Variants in MEI4 observed in about 807,000 individuals in gnomAD.
The protein encoded by MEI4 is meiosis-specific protein MEI4.
MEI4 carries 27 observed loss-of-function variants against 31.4 expected under a neutral mutation model. The observed-to-expected ratio is 0.86, with a 90% CI of 0.63 to 1.19. MEI4 has a LOEUF of 1.19. MEI4 is among the 50% of genes most tolerant of loss of function. MEI4 has a pLI of 0.00. For missense variants in MEI4, 329 were observed against 398.9 expected (o/e 0.82, Z 1.49); for synonymous variants, 122 against 145.4 (o/e 0.84, Z 1.16).
chr6:77,813,141 C>T (rs1015054014), intron 3 of MEI4, among the ~76,000 whole-genome samples: 1 of 151,978 alleles, frequency 6.6e-6, no homozygotes, highest in Non-Finnish European at 1.5e-5. Context: ...GGTGCCTGAT[C>T]CCAGTATTTT....
Position 77,915,328 on chromosome 6 carries a change from G to A in MEI4, c.901-7761G>A, listed in dbSNP as rs1373619458. On this transcript the variant is annotated intron_variant, in intron 4 of 4. Transcript: ENST00000684080. ...GCATTTCTTGTAGGGCCAGTCTAAT[G>A]GTGATGAGTCTCATGAGATTTTGCT... Among the ~76,000 whole-genome samples, 3 of 152,014 alleles carry A rather than the reference G, an allele frequency of 2.0e-5. No homozygotes were observed. The East Asian group carries it at 5.8e-4, about 29-fold the overall frequency.
intron 2 of MEI4, among the ~76,000 whole-genome samples, chr6:77,748,605 C>T (rs891307109): frequency 2.6e-5 from 4 of 152,204 alleles, no homozygotes; most frequent in South Asian, 2.1e-4. Context: ...CTCTGACATC[C>T]GTGGAGACAT....
chr6:77,827,270 A>AGAAT (rs1769977054), intron 3 of MEI4, among the ~76,000 whole-genome samples: 1 of 144,914 alleles, frequency 6.9e-6, no homozygotes, highest in Admixed American at 7.1e-5. Flanking sequence ...CTGAGGCAGG[A>AGAAT]GAATGGTGTG....
chr6:77,742,489 T>C (rs1260461083), intron 2 of MEI4, among the ~76,000 whole-genome samples: 1 of 152,218 alleles, frequency 6.6e-6, no homozygotes, highest in Non-Finnish European at 1.5e-5. Context: ...CTTGTAAATT[T>C]ATTTGAGTTC....
At chr6:77,840,152 A>C (rs1055473217) in intron 4 of MEI4, among the ~76,000 whole-genome samples, 3 of 152,232 alleles carry the variant, frequency 2.0e-5, no homozygotes, top group Non-Finnish European at 4.4e-5. Flanking sequence ...ACATGTGTGC[A>C]TAATTTTAAC....
At chr6:77,756,552 T>G (rs1438024341) in intron 2 of MEI4, among the ~76,000 whole-genome samples, 1 of 152,044 alleles carries the variant, frequency 6.6e-6, no homozygotes, top group African/African-American at 2.4e-5. Context: ...TTTTAGCTGA[T>G]TTTAAATAAT....
At chr6:77,757,527 G>A (rs969314078) in intron 2 of MEI4, among the ~76,000 whole-genome samples, 2 of 152,212 alleles carry the variant, frequency 1.3e-5, no homozygotes, top group African/African-American at 4.8e-5. Flanking sequence ...GCCTGAAGGG[G>A]ATGAGATGGA....
intron 2 of MEI4, among the ~76,000 whole-genome samples, chr6:77,694,826 A>C (rs577210536): frequency 1.2e-3 from 181 of 151,694 alleles, no homozygotes; most frequent in African/African-American, 4.2e-3. Flanking sequence ...TAGATCCCTG[A>C]GGAATCGCCA....
intron 4 of MEI4, among the ~76,000 whole-genome samples, chr6:77,873,434 C>T (rs1036773513): frequency 6.6e-5 from 10 of 151,956 alleles, no homozygotes; most frequent in Admixed American, 3.9e-4. Flanking sequence ...GTCCTTTGCC[C>T]ACTTTTTGAT....
intron 1 of MEI4, among the ~76,000 whole-genome samples, chr6:77,655,134 T>C (rs1193447838): frequency 1.3e-5 from 2 of 152,124 alleles, no homozygotes; most frequent in East Asian, 3.9e-4. Flanking sequence ...CAACTCCCAC[T>C]TATGACTGAG....
intron 3 of MEI4, among the ~76,000 whole-genome samples, chr6:77,804,716 A>C (rs528459127): frequency 1.3e-5 from 2 of 152,310 alleles, no homozygotes; most frequent in African/African-American, 4.8e-5. Context: ...TTCCCAGAAA[A>C]ATGAAAATAT....
At chr6:77,913,860 C>T (rs138852954) in intron 4 of MEI4, among the ~76,000 whole-genome samples, 1,856 of 151,156 alleles carry the variant, frequency 0.012, 45 homozygotes, top group African/African-American at 0.043. Context: ...AGTGAAACCC[C>T]GTCTCTACTA....
chr6:77,765,435 CTTTAAGT>C (rs1768147898), intron 3 of MEI4, among the ~76,000 whole-genome samples: 1 of 151,140 alleles, frequency 6.6e-6, no homozygotes, highest in Non-Finnish European at 1.5e-5. Flanking sequence ...TATTATTATA[CTTTAAGT>C]TTTAGGGTAC....
At chr6:77,775,639 A>G (rs1768420166) in intron 3 of MEI4, among the ~76,000 whole-genome samples, 1 of 152,148 alleles carries the variant, frequency 6.6e-6, no homozygotes, top group South Asian at 2.1e-4. Context: ...TTGTGCTTCT[A>G]TAAACATGCA....
At chr6:77,869,870 G>A (rs1771150161) in intron 4 of MEI4, among the ~76,000 whole-genome samples, 1 of 152,100 alleles carries the variant, frequency 6.6e-6, no homozygotes, top group African/African-American at 2.4e-5. Flanking sequence ...ATACGAGAGT[G>A]GCTGATTGGA....
At chr6:77,672,774 G>A (rs541254978) in intron 1 of MEI4, among the ~76,000 whole-genome samples, 2 of 152,258 alleles carry the variant, frequency 1.3e-5, no homozygotes, top group East Asian at 1.9e-4. Flanking sequence ...TCCTGACCTC[G>A]TGATCCACCT....
chr6:77,658,398 A>G (rs945226819), intron 1 of MEI4, among the ~76,000 whole-genome samples: 1 of 152,172 alleles, frequency 6.6e-6, no homozygotes, highest in Non-Finnish European at 1.5e-5. Context: ...ACTTTAGGCC[A>G]TCTGGATGTA....
chr6:77,658,638 T>G (rs1768444261), intron 1 of MEI4, among the ~76,000 whole-genome samples: 1 of 152,142 alleles, frequency 6.6e-6, no homozygotes, highest in African/African-American at 2.4e-5. Flanking sequence ...AAGGGAGGTC[T>G]TGTGGTAAAG....
At chr6:77,768,099 T>G (rs2127685388) in intron 3 of MEI4, among the ~76,000 whole-genome samples, 1 of 152,294 alleles carries the variant, frequency 6.6e-6, no homozygotes, top group Non-Finnish European at 1.5e-5. Flanking sequence ...GATGAGAAAA[T>G]TGAGTTCAGG....
Sources: gnomAD v4.1 joint callset for allele counts (sites outside exome capture counted in the v4.1 genomes callset) on GRCh38, gnomAD v4.1.1 for gene constraint, MANE v1.5 for transcripts, NCBI Gene and HGNC (gene_info 2026-07-23, HGNC 2026-07-21) for gene names.